The following EPS8 variants were observed in gnomAD, a reference collection of about 807,000 sequenced individuals.
The protein encoded by EPS8 is EGFR pathway substrate 8, signaling adaptor, also known as epidermal growth factor receptor kinase substrate 8.
Under a neutral mutation model 103.8 loss-of-function variants are expected in EPS8, and 42 were observed. The observed-to-expected ratio is 0.40, with a 90% CI of 0.32 to 0.52. The LOEUF (loss-of-function observed/expected upper bound fraction) is 0.52, where lower values mean the gene tolerates loss of function less well. EPS8 is among the 20% of genes least tolerant of loss of function. EPS8 has a pLI of 0.40. For synonymous variants in EPS8, 344 were observed against 344.6 expected (o/e 1.00, Z 0.02); for missense variants, 969 against 1,005.1 (o/e 0.96, Z 0.49).
At chr12:15,703,634 G>A (rs1044854411) in intron 1 of EPS8, among the ~76,000 whole-genome samples, 1 of 151,248 alleles carries the variant, frequency 6.6e-6, no homozygotes, top group African/African-American at 2.4e-5. Context: ...AGCATATAAA[G>A]GAATTTGGAC....
In EPS8 at chr12:15,776,493, A is replaced by G. The variant is rs1348945239; in HGVS notation, c.-22+12668T>C. On this transcript the variant is annotated intron_variant, in intron 1 of 20. Coordinates refer to ENST00000281172, the MANE Select transcript of EPS8 (RefSeq NM_004447.6). The surrounding 1 kb of genome is among the most constrained non-coding windows in gnomAD (Gnocchi z 4.2). ...CCTAGATTGGCCTCTATGCATCAGC[A>G]AGCATTTGTTACACCTAATACCCAA... is the stretch of plus-strand genomic sequence containing the variant. Among the ~76,000 whole-genome samples, 2 of 152,168 alleles carry G rather than the reference A, an allele frequency of 1.3e-5. No homozygotes were observed. Among genetic ancestry groups the G allele is most frequent in the Non-Finnish European group, 2.9e-5 (2 of 68,014 alleles).
In EPS8 at chr12:15,734,630, C is replaced by T. The variant is rs1418120610; in HGVS notation, c.-21-51658G>A. Among the ~76,000 whole-genome samples, 3 of 151,944 alleles carry T rather than the reference C, an allele frequency of 2.0e-5. No individual in the cohort carries two copies. Among genetic ancestry groups the T allele is most frequent in the Admixed American group, 2.0e-4 (3 of 15,234 alleles). ...AATGGCGTGAACCTGGGAGGCGGAC[C>T]TTGCAGTGAGCCGAGATCGCGCCAC... On this transcript the variant is annotated intron_variant, in intron 1 of 20. Transcript: ENST00000281172. This position sits in a 1 kb window ranked among gnomAD's most constrained non-coding sequence, Gnocchi z 4.1.
chr12:15,742,711 G>A (rs929342805), intron 1 of EPS8, among the ~76,000 whole-genome samples: 7 of 152,074 alleles, frequency 4.6e-5, no homozygotes, highest in African/African-American at 9.7e-5. Context: ...AAATTCAACA[G>A]CCCTTCATGC....
At chr12:15,668,211 G>A (rs1174426712) in intron 6 of EPS8, among the ~76,000 whole-genome samples, 2 of 152,010 alleles carry the variant, frequency 1.3e-5, no homozygotes, top group Non-Finnish European at 1.5e-5. Flanking sequence ...TTACCTAAAT[G>A]CCAGTTCTTT....
rs922872537 is a variant in EPS8, at chr12:15,780,554, A to G, written c.-22+8607T>C. ...CAGGCATACACACTTTTCATTTAAC[A>G]TCCTCCATGGATAATAGTACCTACT... On this transcript the variant is annotated intron_variant, in intron 1 of 20. Transcript: ENST00000281172. This position sits in a 1 kb window ranked among gnomAD's most constrained non-coding sequence, Gnocchi z 4.1. 1 of 149,332 alleles carries G rather than the reference A, an allele frequency of 6.7e-6. No individual in the cohort carries two copies. The highest frequency in any genetic ancestry group is 2.5e-5 in the African/African-American group (1 of 40,618). The allele number at this position is 149,332 out of a possible 1,614,324, so 9.3% of individuals were successfully genotyped here. A position where few individuals can be genotyped will look rare whatever the true frequency, so the allele number is the denominator to read the frequency against.
Position 15,772,549 on chromosome 12 carries a change from A to AAAATAAAT in EPS8, c.-22+16604_-22+16611dup, listed in dbSNP as rs754521957. ...TACACAAAACCATGAACTGAGGCAC[A>AAAATAAAT]AAATAAATAAATAAATAAATAAAGC... On this transcript the variant is annotated intron_variant, in intron 1 of 20. Transcript: ENST00000281172. This position sits in a 1 kb window ranked among gnomAD's most constrained non-coding sequence, Gnocchi z 5.0. 1.3e-5 allele frequency among the ~76,000 whole-genome samples: 2 copies of AAAATAAAT among 152,116 alleles called. No individual in the cohort carries two copies. Among genetic ancestry groups the AAAATAAAT allele is most frequent in the African/African-American group, 2.4e-5 (1 of 41,436 alleles).
At chr12:15,691,956 A>C (rs868549080) in intron 1 of EPS8, among the ~76,000 whole-genome samples, 13 of 151,976 alleles carry the variant, frequency 8.6e-5, no homozygotes, top group Non-Finnish European at 1.5e-4. Context: ...CCATTCTATC[A>C]TTACTCTAAC....
chr12:15,621,557 C>T (rs1385588872), intron 20 of EPS8, 127 bp from the exon 21 acceptor site: 2 of 583,112 alleles, frequency 3.4e-6, no homozygotes, highest in Non-Finnish European at 6.0e-6. Context: ...AAGCTAACAG[C>T]TCTACTTTTT....
chr12:15,676,356 C>A (rs1945907889), intron 3 of EPS8, among the ~76,000 whole-genome samples: 2 of 150,638 alleles, frequency 1.3e-5, no homozygotes, highest in Non-Finnish European at 2.9e-5. Context: ...CCTACAGATA[C>A]CAGAAGCCAT....
At chr12:15,648,026 T>C (rs981323101) in intron 14 of EPS8, among the ~76,000 whole-genome samples, 3 of 152,194 alleles carry the variant, frequency 2.0e-5, no homozygotes, top group African/African-American at 7.2e-5. Context: ...CACAAGAGCA[T>C]TCTTCCTCCT....
intron 14 of EPS8, 141 bp downstream of exon 14, chr12:15,650,682 T>C: frequency 1.4e-6 from 1 of 717,304 alleles, no homozygotes; most frequent in Non-Finnish European, 2.3e-6. Context: ...GAGAGAGAGG[T>C]AATTCAGGAC....
rs1946788528 is a variant in EPS8 at position 15,738,551 on chromosome 12, C to G, written c.-22+50610G>C. ...CCTTCTATAATAAGAACATTCTTAG[C>G]CCTGAAGATAAAATATTAACAAAGA... On this transcript the variant is annotated intron_variant, in intron 1 of 20. Transcript: ENST00000281172. This position sits in a 1 kb window ranked among gnomAD's most constrained non-coding sequence, Gnocchi z 6.2. Among the ~76,000 whole-genome samples, 1 of 152,210 alleles carries G rather than the reference C, an allele frequency of 6.6e-6. No individual in the cohort carries two copies. Among genetic ancestry groups the G allele is most frequent in the Admixed American group, 6.5e-5 (1 of 15,286 alleles).
chr12:15,729,659 C>T (rs1946692284), intron 1 of EPS8, among the ~76,000 whole-genome samples: 1 of 152,054 alleles, frequency 6.6e-6, no homozygotes, highest in Non-Finnish European at 1.5e-5. Context: ...TTTTTTATCT[C>T]CCTTGAAATT....
In EPS8 at chr12:15,717,704, G is replaced by C. The variant is rs1946548377; in HGVS notation, c.-21-34732C>G. 6.6e-6 allele frequency among the ~76,000 whole-genome samples: 1 copy of C among 152,174 alleles called. No homozygotes were observed. Among genetic ancestry groups the C allele is most frequent in the Non-Finnish European group, 1.5e-5 (1 of 68,032 alleles). Reference sequence around the variant, plus strand: ...TTCCAGAAGTTATTTAGAAGAGTGAGACCATACTTAAATTAAGTGTATAGA... The same window carrying C: ...TTCCAGAAGTTATTTAGAAGAGTGACACCATACTTAAATTAAGTGTATAGA... On this transcript the variant is annotated intron_variant, in intron 1 of 20. Transcript: ENST00000281172. This position sits in a 1 kb window ranked among gnomAD's most constrained non-coding sequence, Gnocchi z 4.3.
chr12:15,681,826 A>G (rs1946014209), intron 2 of EPS8, among the ~76,000 whole-genome samples: 2 of 151,650 alleles, frequency 1.3e-5, no homozygotes, highest in Non-Finnish European at 2.9e-5. Context: ...TGCTACTAAT[A>G]TGTTATGTGA....
intron 1 of EPS8, among the ~76,000 whole-genome samples, chr12:15,729,578 GT>G (rs1166846360): frequency 6.6e-6 from 1 of 152,048 alleles, no homozygotes; most frequent in Non-Finnish European, 1.5e-5. Context: ...ATTTCTGTTA[GT>G]TTTTAATTTC....
chr12:15,663,954 T>TA (rs1565487338), intron 8 of EPS8, among the ~76,000 whole-genome samples: 491 of 22,270 alleles, frequency 0.022, 15 homozygotes, highest in East Asian at 0.11. Context: ...AAATAATATA[T>TA]ATATATATAT....
At chr12:15,641,863 G>T in intron 15 of EPS8, 33 bp from the exon 16 acceptor site, 2 of 1,201,996 alleles carry the variant, frequency 1.7e-6, no homozygotes, top group South Asian at 1.4e-5. Context: ...TTATTATTCT[G>T]CTAGCTCTTC....
chr12:15,776,660 C>T lies in EPS8; in HGVS notation c.-22+12501G>A, dbSNP rs1947209300. Among the ~76,000 whole-genome samples, 1 of 152,186 alleles carries T rather than the reference C, an allele frequency of 6.6e-6. No individual in the cohort carries two copies. The highest frequency in any genetic ancestry group is 1.5e-5 in the Non-Finnish European group (1 of 68,040). ...TTATTGAATACTTATTCAATATACA[C>T]TTAAATAATATATTGTTCCTTACAG... On this transcript the variant is annotated intron_variant, in intron 1 of 20. Coordinates refer to ENST00000281172, the MANE Select transcript of EPS8 (RefSeq NM_004447.6). The surrounding 1 kb of genome is among the most constrained non-coding windows in gnomAD (Gnocchi z 4.2).
Sources: allele counts gnomAD v4.1 joint callset (sites outside exome capture counted in the v4.1 genomes callset), GRCh38; gene constraint gnomAD v4.1.1; non-coding constraint Gnocchi (gnomAD v3.1); transcripts MANE v1.5; gene names NCBI Gene and HGNC (gene_info 2026-07-23, HGNC 2026-07-21).